Variants in RAD50 observed in about 807,000 individuals in gnomAD.
RAD50 encodes DNA repair protein RAD50.
RAD50 carries 132 observed loss-of-function variants against 168.8 expected under a neutral mutation model. That is an observed-to-expected ratio of 0.78 (90% CI 0.68 to 0.90). The LOEUF (loss-of-function observed/expected upper bound fraction) is 0.90. RAD50 is among the 40% of genes least tolerant of loss of function. The pLI, the probability that RAD50 is intolerant of heterozygous loss-of-function variation, is 0.00. For missense variants in RAD50, 1,347 were observed against 1,534.4 expected, an observed-to-expected ratio of 0.88 and a Z score of 2.04; for synonymous variants, 525 against 497.4, an observed-to-expected ratio of 1.06 and a Z score of -0.74.
chr5:132,592,723 A>G (rs1301309993), intron 11 of RAD50: 8 of 431,534 alleles, frequency 1.9e-5, no homozygotes, highest in African/African-American at 1.2e-4. Flanking sequence ...GACCACTTCC[A>G]CCACTTGTTA....
chr5:132,598,717 T>A (rs779862172), intron 13 of RAD50, among the ~76,000 whole-genome samples: 2 of 152,208 alleles, frequency 1.3e-5, no homozygotes, highest in Non-Finnish European at 2.9e-5. Context: ...ACATGGCCTC[T>A]GCATGCGTCT....
intron 5 of RAD50, among the ~76,000 whole-genome samples, chr5:132,582,197 A>G (rs1264451868): frequency 6.6e-6 from 1 of 152,238 alleles, no homozygotes; most frequent in African/African-American, 2.4e-5. Flanking sequence ...GTAGGGCTAA[A>G]TGATAATACC....
intron 2 of RAD50, among the ~76,000 whole-genome samples, chr5:132,572,345 A>G (rs1308947634): frequency 1.3e-5 from 2 of 152,190 alleles, no homozygotes; most frequent in East Asian, 3.8e-4. Flanking sequence ...AAATCTTATT[A>G]TAAATCTTAT....
intron 19 of RAD50, 142 bp from the exon 20 acceptor site, chr5:132,615,861 A>G: frequency 2.4e-6 from 2 of 838,252 alleles, no homozygotes; most frequent in Non-Finnish European, 3.9e-6. Context: ...AGATTCCTTC[A>G]CACTGGCTTA....
At chr5:132,638,005 C>T in intron 22 of RAD50, 76 bp from the exon 23 acceptor site, 1 of 1,486,656 alleles carries the variant, frequency 6.7e-7, no homozygotes, top group Non-Finnish European at 9.4e-7. Flanking sequence ...TGTTCCTAGG[C>T]TTACTTGATA....
Position 132,642,960 on chromosome 5 carries a change from C to A in RAD50, c.*596C>A, listed in dbSNP as rs1209649601. 3.9e-6 allele frequency: 2 copies of A among 508,118 alleles called. No individual in the cohort carries two copies. Among genetic ancestry groups the A allele is most frequent in the African/African-American group, 3.8e-5 (2 of 52,238 alleles). The allele number at this position is 508,118 out of a possible 1,614,324, so 31.5% of individuals were successfully genotyped here. On this transcript the variant is annotated 3_prime_UTR_variant, in exon 25 of 25. Coordinates refer to ENST00000378823, the MANE Select transcript of RAD50 (RefSeq NM_005732.4). Reference sequence around the variant, plus strand: ...TTTGACAGGAACCTTAAGTAATCATCTAAGTCAGTACCCACCACCTTCTTC... The same window carrying A: ...TTTGACAGGAACCTTAAGTAATCATATAAGTCAGTACCCACCACCTTCTTC...
intron 4 of RAD50, 172 bp from the exon 5 acceptor site, chr5:132,579,690 A>G: frequency 1.2e-6 from 1 of 822,124 alleles, no homozygotes; most frequent in Non-Finnish European, 1.9e-6. Flanking sequence ...TATTTACCTG[A>G]TTGACAGTAT....
rs766041105 is a variant in RAD50 at position 132,591,399 on chromosome 5, A to G, written c.1628A>G (p.Lys543Arg). The G allele has an allele frequency of 1.9e-6, 3 of 1,613,182 alleles. No homozygotes were observed. Among genetic ancestry groups the G allele is most frequent in the South Asian group, 2.2e-5 (2 of 91,054 alleles). ...TTRTQMEMLTKDKADKDEQIR... is the reference protein window; with the variant it reads ...TTRTQMEMLTRDKADKDEQIR... ...CGTACCCAAATGGAGATGCTGACCA[A>G]AGACAAAGTATGATTTTTCTTTTTG... The change falls in exon 10 of 25, where the codon AAA (lysine) becomes AGA (arginine). Residue 543 changes from lysine to arginine, a missense_variant. This residue lies in a region of RAD50 where 703 missense variants were observed against 767.7 expected (regional missense o/e 0.92). Coordinates refer to ENST00000378823, the MANE Select transcript of RAD50 (RefSeq NM_005732.4).
In RAD50 at chr5:132,618,062, T is replaced by G. The variant is rs369581851; in HGVS notation, c.3165-8T>G. The G allele has an allele frequency of 3.0e-4, 485 of 1,610,600 alleles. 2 individuals are homozygous for G. The African/African-American group carries it at 6.0e-3, about 20-fold the overall frequency. ...ATGGTCCTCATTTGTCATTTTTCTT[T>G]TTTACAGTGAACATCAGAAGTTGGA... On this transcript the variant is annotated splice_polypyrimidine_tract_variant and splice_region_variant and intron_variant, in intron 20 of 24. Transcript: ENST00000378823.
At chr5:132,596,596 A>T (rs536146682) in intron 13 of RAD50, among the ~76,000 whole-genome samples, 7 of 152,356 alleles carry the variant, frequency 4.6e-5, no homozygotes, top group African/African-American at 1.4e-4. Flanking sequence ...TCTGTTTACA[A>T]ACAAAAATCA....
chr5:132,612,359 G>A (rs771706586), intron 19 of RAD50, among the ~76,000 whole-genome samples: 2 of 152,192 alleles, frequency 1.3e-5, no homozygotes, highest in Non-Finnish European at 2.9e-5. Flanking sequence ...AAGGAATAGA[G>A]TGACTGCTAT....
Position 132,640,725 on chromosome 5 carries a change from C to T in RAD50, c.3672C>T (p.Asn1224=), listed in dbSNP as rs1220065101. Reference sequence around the variant, plus strand: ...CCCTGGCTGAAACGTTCTGCCTCAACTGTGGCATCATTGCCTTGGATGAGC... The same window carrying T: ...CCCTGGCTGAAACGTTCTGCCTCAATTGTGGCATCATTGCCTTGGATGAGC... ...RLALAETFCL[N]CGIIALDEPT... The change falls in exon 24 of 25, where the codon AAC becomes AAT. Residue 1224 remains asparagine (N), a synonymous_variant. Coordinates refer to ENST00000378823, the MANE Select transcript of RAD50 (RefSeq NM_005732.4). 14 of 1,614,218 alleles carry T rather than the reference C, an allele frequency of 8.7e-6. No homozygotes were observed. The highest frequency in any genetic ancestry group is 1.2e-5 in the Non-Finnish European group (14 of 1,180,034).
rs745693687 is a variant in RAD50 at position 132,604,800 on chromosome 5, G to A, written c.2525-6G>A. On this transcript the variant is annotated splice_polypyrimidine_tract_variant and splice_region_variant and intron_variant, in intron 15 of 24. Coordinates refer to ENST00000378823, the MANE Select transcript of RAD50 (RefSeq NM_005732.4). The stretch of plus-strand genomic sequence containing the variant: ...TTAATTACTGTGATAATATGTTTTT[G>A]TGTAGTTTCTAGTAAGATTGAATTG... 23 of 1,596,510 alleles carry A rather than the reference G, an allele frequency of 1.4e-5. No homozygotes were observed. The highest frequency in any genetic ancestry group is 1.9e-5 in the Non-Finnish European group (22 of 1,165,134).
chr5:132,586,335 GTA>G (rs1221623367), intron 5 of RAD50, among the ~76,000 whole-genome samples: 1 of 152,144 alleles, frequency 6.6e-6, no homozygotes. Flanking sequence ...TTCCTGCTTA[GTA>G]TATACTTTTG....
intron 13 of RAD50, among the ~76,000 whole-genome samples, chr5:132,596,988 A>T (rs1408392240): frequency 6.6e-6 from 1 of 152,206 alleles, no homozygotes; most frequent in East Asian, 1.9e-4. Context: ...GGAATTATTT[A>T]TAGGGATTGA....
At chr5:132,610,025 G>GTA (rs1347184319) in intron 19 of RAD50, among the ~76,000 whole-genome samples, 1 of 130,178 alleles carries the variant, frequency 7.7e-6, no homozygotes, top group Admixed American at 7.5e-5. Flanking sequence ...TTAGGTGTGT[G>GTA]TGTATATATA....
rs769068612 is a variant in RAD50 at position 132,622,368 on chromosome 5, C to T, written c.3389+4074C>T. ...CAGATGGGGTTTTGTCATGTTGCCC[C>T]GGCTGGTCTTGAACTCCTGGCCTCA... On this transcript the variant is annotated intron_variant, in intron 21 of 24. Coordinates refer to ENST00000378823, the MANE Select transcript of RAD50 (RefSeq NM_005732.4). Among the ~76,000 whole-genome samples, 52 of 152,086 alleles carry T rather than the reference C, an allele frequency of 3.4e-4. No individual in the cohort carries two copies. The South Asian group carries it at 5.2e-3, about 15-fold the overall frequency.
At chr5:132,625,224 C>T (rs888635220) in intron 21 of RAD50, among the ~76,000 whole-genome samples, 5 of 150,096 alleles carry the variant, frequency 3.3e-5, no homozygotes, top group African/African-American at 1.2e-4. Context: ...GTAGCTGGGA[C>T]TACAGGCGCC....
chr5:132,625,051 G>T (rs1751348570), intron 21 of RAD50, among the ~76,000 whole-genome samples: 2 of 151,642 alleles, frequency 1.3e-5, no homozygotes, highest in South Asian at 4.2e-4. Context: ...GGTTAAAAGT[G>T]CTGTCTCTGA....
Sources: gnomAD v4.1 joint callset for allele counts (sites outside exome capture counted in the v4.1 genomes callset) on GRCh38, gnomAD v4.1.1 for gene constraint, gnomAD v4.1.1 regional missense constraint, MANE v1.5 for transcripts, NCBI Gene and HGNC (gene_info 2026-07-23, HGNC 2026-07-21) for gene names.